Variants in TULP4 observed in about 807,000 individuals in gnomAD.
TULP4 encodes tubby-related protein 4.
Under a neutral mutation model 129.0 loss-of-function variants are expected in TULP4, and 16 were observed. The observed-to-expected ratio is 0.12, with a 90% confidence interval of 0.08 to 0.19. TULP4 has a LOEUF of 0.19. Among genes scored for constraint, TULP4 ranks in the 10% least tolerant of loss-of-function variants. TULP4 has a pLI of 1.00. For synonymous variants in TULP4, 998 were observed against 854.0 expected (o/e 1.17, Z -2.94); for missense variants, 1,842 against 2,059.1 (o/e 0.89, Z 2.04).
At chr6:158,256,836 C>A (rs939873315) in intron 1 of TULP4, among the ~76,000 whole-genome samples, 3 of 152,082 alleles carry the variant, frequency 2.0e-5, no homozygotes, top group Non-Finnish European at 2.9e-5. Context: ...GGATGCTGAT[C>A]AGTGGGTATC....
intron 6 of TULP4, among the ~76,000 whole-genome samples, chr6:158,461,993 G>A (rs1247082497): frequency 6.6e-6 from 1 of 152,132 alleles, no homozygotes; most frequent in Non-Finnish European, 1.5e-5. Context: ...AATTGCAGAA[G>A]TGAATGCTGA....
chr6:158,312,704 G>A lies in TULP4; in HGVS notation c.-1313G>A, dbSNP rs1779387921. 6.6e-6 allele frequency: 1 copy of A among 152,018 alleles called. No homozygotes were observed. The highest frequency in any genetic ancestry group is 2.4e-5 in the African/African-American group (1 of 41,348). The allele number at this position is 152,018 out of a possible 1,614,324, so 9.4% of individuals were successfully genotyped here. On this transcript the variant is annotated 5_prime_UTR_variant, in exon 1 of 14. Transcript: ENST00000367097. ...CCCCCCCTTTTTTCCTGCATCTATA[G>A]GATAATATTGTAAAATAGCAATTGA...
intron 1 of TULP4, among the ~76,000 whole-genome samples, chr6:158,361,921 G>A (rs1383988169): frequency 6.6e-6 from 1 of 152,062 alleles, no homozygotes; most frequent in African/African-American, 2.4e-5. Flanking sequence ...TTCTCCTTAT[G>A]GCTTAGAGCA....
rs1195588706 is a variant in TULP4 at position 158,503,370 on chromosome 6, C to T, written c.3707C>T (p.Ser1236Phe). ...VLQPLYPPSL[S>F]YCTLPPMYPG... is the part of the protein sequence containing the mutation. ...CAGCCGCTGTACCCACCCAGCCTCT[C>T]CTATTGCACCCTGCCCCCCATGTAC... The change falls in exon 13 of 14, where the codon TCC (serine) becomes TTC (phenylalanine). Residue 1236 changes from serine (S) to phenylalanine (F), a missense_variant. This residue lies in a region of TULP4 where 1,089 missense variants were observed against 987.1 expected (regional missense o/e 1.10). Coordinates refer to ENST00000367097, the MANE Select transcript of TULP4 (RefSeq NM_020245.5). This position sits in a 1 kb window ranked among gnomAD's most constrained non-coding sequence, Gnocchi z 4.3. The T allele has an allele frequency of 6.2e-7, 1 of 1,613,920 alleles. No homozygotes were observed. Among genetic ancestry groups the T allele is most frequent in the Admixed American group, 1.7e-5 (1 of 60,018 alleles).
In TULP4 at chr6:158,503,703, A is replaced by G. The variant is rs189101138; in HGVS notation, c.4040A>G (p.Glu1347Gly). 14 of 1,614,038 alleles carry G rather than the reference A, an allele frequency of 8.7e-6. No individual in the cohort carries two copies. The East Asian group carries it at 2.7e-4, about 31-fold the overall frequency. Residue 1347 changes from glutamate (E) to glycine (G), a missense_variant, in exon 13 of 14, where the codon GAA becomes GGA. Transcript: ENST00000367097. The surrounding 1 kb of genome is among the most constrained non-coding windows in gnomAD (Gnocchi z 4.3). ...AAGCGCCTGGACAGCCGAGCAGAAG[A>G]AGGCAGCGTTCAGGCCATCACTGAG... ...NRKRLDSRAE[E>G]GSVQAITEGK... is the part of the protein sequence containing the mutation.
At chr6:158,323,887 A>G (rs146697095) in intron 1 of TULP4, among the ~76,000 whole-genome samples, 1 of 152,334 alleles carries the variant, frequency 6.6e-6, no homozygotes, top group East Asian at 1.9e-4. Context: ...TGTAGTATAT[A>G]CGTAGGATCT....
chr6:158,501,742 G>A lies in TULP4; in HGVS notation c.2079G>A (p.Pro693=), dbSNP rs201450434. 296 of 1,613,992 alleles carry A rather than the reference G, an allele frequency of 1.8e-4. No individual in the cohort carries two copies. Among genetic ancestry groups the A allele is most frequent in the Non-Finnish European group, 1.7e-4 (206 of 1,180,024 alleles). ...GTACCGTGAACATCCCTATTGCACCGATCCACAGCTCGGCTCAGGCTATGT... is the reference window on the plus strand; with the variant it reads ...GTACCGTGAACATCCCTATTGCACCAATCCACAGCTCGGCTCAGGCTATGT... ...PPCTVNIPIA[P]IHSSAQAMSP... The change falls in exon 13 of 14, where the codon CCG becomes CCA. Residue 693 remains proline, a synonymous_variant. Coordinates refer to ENST00000367097, the MANE Select transcript of TULP4 (RefSeq NM_020245.5).
At chr6:158,460,466 T>A (rs1779398472) in intron 5 of TULP4, among the ~76,000 whole-genome samples, 3 of 148,234 alleles carry the variant, frequency 2.0e-5, no homozygotes, top group South Asian at 4.3e-4. Context: ...AAAAAAAAAA[T>A]GTCATAAATC....
chr6:158,469,768 A>G (rs1391475904), intron 6 of TULP4, among the ~76,000 whole-genome samples: 2 of 151,872 alleles, frequency 1.3e-5, no homozygotes, highest in African/African-American at 2.4e-5. Context: ...GAAATGAGGA[A>G]AGGGCCAAGC....
At position 158,501,638 on chromosome 6, in the gene TULP4, G is replaced by T. The variant is rs1379679371; in HGVS notation, c.2015-40G>T. The T allele has an allele frequency of 1.9e-6, 3 of 1,576,196 alleles. No individual in the cohort carries two copies. In the African/African-American group the frequency reaches 4.0e-5, roughly 21 times the overall value. ...CTTATCCTGATCTGGTTTAATGGCA[G>T]TGTTTTTGTAAGCAGTTCCTTTTTC... On this transcript the variant is annotated intron_variant, in intron 12 of 13. Transcript: ENST00000367097.
intron 1 of TULP4, among the ~76,000 whole-genome samples, chr6:158,351,344 C>A (rs969276320): frequency 1.1e-4 from 17 of 152,140 alleles, no homozygotes; most frequent in African/African-American, 3.6e-4. Context: ...TGCCTCAGTT[C>A]TCTGTGAAGT....
intron 1 of TULP4, among the ~76,000 whole-genome samples, chr6:158,284,551 A>G (rs1778806308): frequency 6.6e-6 from 1 of 152,242 alleles, no homozygotes. Context: ...ATGACGTGCC[A>G]TCTGCTTGAT....
Position 158,316,266 on chromosome 6 carries a change from A to T in TULP4, c.252+1998A>T, listed in dbSNP as rs1306116705. On this transcript the variant is annotated intron_variant, in intron 1 of 13. Transcript: ENST00000367097. The stretch of plus-strand genomic sequence containing the variant: ...GCTATGAACGTTTGTGTGCGTGTGG[A>T]CCTGTGCATTCAGAAGGTGGAATTT... Among the ~76,000 whole-genome samples the T allele has an allele frequency of 7.8e-5, 5 of 63,810 alleles. No homozygotes were observed. The East Asian group carries it at 2.6e-3, about 33-fold the overall frequency. 41.9% of individuals were successfully genotyped at this position (63,810 alleles called of 152,430 possible).
chr6:158,499,061 C>T (rs1041835257), intron 12 of TULP4, among the ~76,000 whole-genome samples: 2 of 152,210 alleles, frequency 1.3e-5, no homozygotes, highest in African/African-American at 2.4e-5. Context: ...CTTGTGTTTT[C>T]GGAGCACAGT....
chr6:158,256,454 A>G (rs1778246187), intron 1 of TULP4, among the ~76,000 whole-genome samples: 1 of 152,188 alleles, frequency 6.6e-6, no homozygotes, highest in Non-Finnish European at 1.5e-5. Flanking sequence ...TAAGTCTTTG[A>G]TCACTTCAAT....
intron 1 of TULP4, among the ~76,000 whole-genome samples, chr6:158,404,054 T>A (rs1016942751): frequency 6.6e-6 from 1 of 152,164 alleles, no homozygotes; most frequent in African/African-American, 2.4e-5. Context: ...CCCACCACAC[T>A]CTCCTAATGT....
At position 158,503,079 on chromosome 6, in the gene TULP4, C is replaced by T. The variant is rs759322600; in HGVS notation, c.3416C>T (p.Thr1139Ile). The change falls in exon 13 of 14, where the codon ACA (threonine) becomes ATA (isoleucine). Residue 1139 changes from threonine (T) to isoleucine (I), a missense_variant. Coordinates refer to ENST00000367097, the MANE Select transcript of TULP4 (RefSeq NM_020245.5). The surrounding 1 kb of genome is among the most constrained non-coding windows in gnomAD (Gnocchi z 4.3). ...GEDVWVPQERTAQTSGPNPLK... is the reference protein window; with the variant it reads ...GEDVWVPQERIAQTSGPNPLK... ...GATGTTTGGGTTCCTCAAGAAAGGA[C>T]AGCACAGACTTCAGGGCCCAACCCC... 5.8e-5 allele frequency: 93 copies of T among 1,614,006 alleles called. No homozygotes were observed. The highest frequency in any genetic ancestry group is 7.4e-5 in the Non-Finnish European group (87 of 1,179,994).
chr6:158,438,942 C>T (rs1057298223), intron 3 of TULP4, among the ~76,000 whole-genome samples: 26 of 152,158 alleles, frequency 1.7e-4, no homozygotes, highest in Admixed American at 2.6e-4. Flanking sequence ...GAGGCCGAGG[C>T]GGGGGAATCA....
chr6:158,366,136 G>A (rs889859257), intron 1 of TULP4, among the ~76,000 whole-genome samples: 1 of 150,554 alleles, frequency 6.6e-6, no homozygotes, highest in Non-Finnish European at 1.5e-5. Flanking sequence ...ATCTCCTGAT[G>A]TCGTGATCTG....
Sources: allele counts gnomAD v4.1 joint callset (sites outside exome capture counted in the v4.1 genomes callset), GRCh38; gene constraint gnomAD v4.1.1; regional missense constraint gnomAD v4.1.1; non-coding constraint Gnocchi (gnomAD v3.1); transcripts MANE v1.5; gene names NCBI Gene and HGNC (gene_info 2026-07-23, HGNC 2026-07-21).